Variants in GPR155 observed in about 807,000 individuals in gnomAD.
GPR155 encodes the protein G protein-coupled receptor 155.
Under a neutral mutation model 93.1 loss-of-function variants are expected in GPR155, and 65 were observed. The ratio of observed to expected loss-of-function variants is 0.70; its 90% CI spans 0.57 to 0.86. The LOEUF is 0.86. GPR155 is among the 40% of genes least tolerant of loss of function. The pLI is 0.00. For missense variants in GPR155, 838 were observed against 1,034.8 expected (o/e 0.81, Z 2.61); for synonymous variants, 319 against 360.1 (o/e 0.89, Z 1.29).
At chr2:174,479,313 GA>G (rs964292580) in intron 2 of GPR155, among the ~76,000 whole-genome samples, 4 of 151,926 alleles carry the variant, frequency 2.6e-5, no homozygotes, top group Non-Finnish European at 4.4e-5. Flanking sequence ...TATTTTAGAG[GA>G]AAAAAACCCT....
intron 11 of GPR155, among the ~76,000 whole-genome samples, chr2:174,453,398 C>T (rs561354280): frequency 3.5e-4 from 53 of 152,142 alleles, no homozygotes; most frequent in African/African-American, 1.2e-3. Flanking sequence ...TGGTAGCTCA[C>T]GCCTGTAATC....
chr2:174,459,772 G>A (rs1687627354), intron 10 of GPR155, 106 bp downstream of exon 10: 7 of 744,040 alleles, frequency 9.4e-6, no homozygotes, highest in South Asian at 8.9e-5. Flanking sequence ...TTAAACACAG[G>A]AGGCGGAGGT....
rs1255405731 is a variant in GPR155 at position 174,433,936 on chromosome 2, CTA to C, written c.*2178_*2179del. On this transcript the variant is annotated 3_prime_UTR_variant, in exon 16 of 16. Transcript: ENST00000392552. ...TTTATACATGGACACTTTAAAAAGA[CTA>C]AATTCTAAATGTAATCTTTAGAATT... The C allele has an allele frequency of 3.3e-5, 5 of 151,250 alleles. No individual in the cohort carries two copies. Among genetic ancestry groups the C allele is most frequent in the Non-Finnish European group, 7.4e-5 (5 of 67,862 alleles). 9.4% of individuals were successfully genotyped at this position (151,250 alleles called of 1,614,324 possible). A position where few individuals can be genotyped will look rare whatever the true frequency, so the allele number is the denominator to read the frequency against.
At chr2:174,460,531 T>C (rs762219813) in intron 9 of GPR155, among the ~76,000 whole-genome samples, 4 of 152,142 alleles carry the variant, frequency 2.6e-5, no homozygotes, top group African/African-American at 4.8e-5. Flanking sequence ...GTAGCTCTTT[T>C]AAAAAGGTAA....
In GPR155 at chr2:174,475,231, C is replaced by T. The variant is rs866356211; in HGVS notation, c.461-1867G>A. Among the ~76,000 whole-genome samples, 114 of 123,992 alleles carry T rather than the reference C, an allele frequency of 9.2e-4. No individual in the cohort carries two copies. The Middle Eastern group carries it at 0.043, about 46-fold the overall frequency. The allele number at this position is 123,992 out of a possible 152,430, so 81.3% of individuals were successfully genotyped here. ...AATGGCGTGAACCCGGGAGGCGGAG[C>T]TTGCAGTGAGCCGAGATCCCGCCAC... On this transcript the variant is annotated intron_variant, in intron 2 of 15. Coordinates refer to ENST00000392552, the MANE Select transcript of GPR155 (RefSeq NM_152529.7).
At chr2:174,450,803 A>C (rs1301465134) in intron 11 of GPR155, among the ~76,000 whole-genome samples, 2 of 152,202 alleles carry the variant, frequency 1.3e-5, no homozygotes, top group African/African-American at 4.8e-5. Context: ...TATTTCCTAA[A>C]ACCACATTTT....
intron 9 of GPR155, among the ~76,000 whole-genome samples, chr2:174,460,765 G>A (rs1168160913): frequency 6.6e-6 from 1 of 152,042 alleles, no homozygotes; most frequent in Non-Finnish European, 1.5e-5. Context: ...ATGTTTTTAT[G>A]GTAATGATAT....
intron 12 of GPR155, among the ~76,000 whole-genome samples, chr2:174,446,045 G>A (rs1191325728): frequency 6.6e-6 from 1 of 151,800 alleles, no homozygotes. Context: ...AGTGGCTCAC[G>A]CCTGTAATTC....
chr2:174,459,191 C>G lies in GPR155; in HGVS notation c.1771+687G>C, dbSNP rs80085449. The stretch of plus-strand genomic sequence containing the variant: ...CCTATGGACTATAGTTTGCCCAAAA[C>G]TGACTTACATCATTAATCTGGCTTT... On this transcript the variant is annotated intron_variant, in intron 10 of 15. Transcript: ENST00000392552. Among the ~76,000 whole-genome samples the G allele has an allele frequency of 8.4e-3, 1,271 of 151,518 alleles. 26 individuals carry two copies. Among genetic ancestry groups the G allele is most frequent in the African/African-American group, 0.029 (1,198 of 40,802 alleles).
intron 1 of GPR155, among the ~76,000 whole-genome samples, chr2:174,482,236 T>C (rs1688346850): frequency 6.6e-6 from 1 of 152,236 alleles, no homozygotes; most frequent in South Asian, 2.1e-4. Flanking sequence ...AAAATATTTA[T>C]GTTGCTAAGT....
Position 174,468,963 on chromosome 2 carries a change from A to T in GPR155, c.1131T>A (p.Tyr377Ter), listed in dbSNP as rs553197137. 6.2e-6 allele frequency: 10 copies of T among 1,614,114 alleles called. No individual in the cohort carries two copies. In the South Asian group the frequency reaches 1.1e-4, roughly 18 times the overall value. ...FPTMDPKPLA[Y>*]AIQNVSFDIS... ...TATCAAAACTAACATTCTGGATGGC[A>T]TATGCCAATGGCTTAGGGTCCATAG... Residue 377 changes from tyrosine to a stop codon, truncating the protein, a stop_gained, in exon 5 of 16, where the codon TAT becomes TAA. Coordinates refer to ENST00000392552, the MANE Select transcript of GPR155 (RefSeq NM_152529.7). LOFTEE classifies it high-confidence loss of function.
intron 15 of GPR155, among the ~76,000 whole-genome samples, chr2:174,437,049 T>C (rs1327620558): frequency 1.3e-5 from 2 of 152,238 alleles, no homozygotes; most frequent in Non-Finnish European, 2.9e-5. Flanking sequence ...CTAAGATTTT[T>C]AAAATGTGCT....
At chr2:174,465,455 G>A (rs957622781) in intron 7 of GPR155, among the ~76,000 whole-genome samples, 7 of 152,130 alleles carry the variant, frequency 4.6e-5, no homozygotes, top group Non-Finnish European at 7.4e-5. Context: ...CACACCTCAC[G>A]CATCTTTCCC....
At chr2:174,450,004 G>A (rs1162957394) in intron 11 of GPR155, among the ~76,000 whole-genome samples, 2 of 151,902 alleles carry the variant, frequency 1.3e-5, no homozygotes, top group Non-Finnish European at 2.9e-5. Context: ...AAATTAGCCA[G>A]GCGTGGTTGC....
At chr2:174,454,121 A>ATTTTG (rs1309705405) in intron 10 of GPR155, among the ~76,000 whole-genome samples, 4 of 151,828 alleles carry the variant, frequency 2.6e-5, no homozygotes, top group Non-Finnish European at 4.4e-5. Flanking sequence ...TAAGGCTAGG[A>ATTTTG]TTTTGTTTTG....
intron 2 of GPR155, among the ~76,000 whole-genome samples, chr2:174,480,658 A>G (rs1251274067): frequency 6.6e-6 from 1 of 152,226 alleles, no homozygotes; most frequent in South Asian, 2.1e-4. Context: ...AGTCAGAAAC[A>G]TAAAAAAGGA....
intron 8 of GPR155, 35 bp downstream of exon 8, chr2:174,461,553 G>T: frequency 1.3e-6 from 2 of 1,555,936 alleles, no homozygotes; most frequent in Non-Finnish European, 1.8e-6. Flanking sequence ...TGTCTATATG[G>T]AAAGGTGTAA....
At chr2:174,475,250 C>T (rs996336134) in intron 2 of GPR155, among the ~76,000 whole-genome samples, 5 of 126,510 alleles carry the variant, frequency 4.0e-5, no homozygotes, top group African/African-American at 1.5e-4. Context: ...AGCCGAGATC[C>T]CGCCACTGCA....
chr2:174,433,853 G>C lies in GPR155; in HGVS notation c.*2263C>G, dbSNP rs1686701636. Reference sequence around the variant, plus strand: ...ATCCAGTTTATATTTTGTTTTAGTAGCTAAAATATTAGACTAAGAGAAAAG... The same window carrying C: ...ATCCAGTTTATATTTTGTTTTAGTACCTAAAATATTAGACTAAGAGAAAAG... On this transcript the variant is annotated 3_prime_UTR_variant, in exon 16 of 16. Transcript: ENST00000392552. 6.6e-6 allele frequency: 1 copy of C among 151,952 alleles called. No homozygotes were observed. Among genetic ancestry groups the C allele is most frequent in the Non-Finnish European group, 1.5e-5 (1 of 68,006 alleles). 9.4% of individuals were successfully genotyped at this position (151,952 alleles called of 1,614,324 possible).
Sources: allele counts gnomAD v4.1 joint callset (sites outside exome capture counted in the v4.1 genomes callset), GRCh38; gene constraint gnomAD v4.1.1; transcripts MANE v1.5; gene names NCBI Gene and HGNC (gene_info 2026-07-23, HGNC 2026-07-21).